PLXND1: variants seen among roughly 807,000 people sequenced by gnomAD.
PLXND1 encodes plexin-D1.
PLXND1 carries 54 observed loss-of-function variants against 197.7 expected under a neutral mutation model. The observed-to-expected ratio is 0.27, with a 90% confidence interval of 0.22 to 0.34. PLXND1 has a LOEUF of 0.34. Among genes scored for constraint, PLXND1 ranks in the 10% least tolerant of loss-of-function variants. The pLI is 1.00. For synonymous variants in PLXND1, 1,180 were observed against 1,161.2 expected (o/e 1.02, Z -0.33); for missense variants, 2,127 against 2,699.2 (o/e 0.79, Z 4.70).
At chr3:129,575,143 G>A (rs2085294007) in intron 11 of PLXND1, among the ~76,000 whole-genome samples, 2 of 152,188 alleles carry the variant, frequency 1.3e-5, no homozygotes, top group Admixed American at 1.3e-4. Flanking sequence ...CACGCGAGGG[G>A]AGCTGACCAC....
chr3:129,602,482 C>T (rs767495043), intron 1 of PLXND1, among the ~76,000 whole-genome samples: 13 of 152,246 alleles, frequency 8.5e-5, no homozygotes, highest in Admixed American at 2.0e-4. Flanking sequence ...CTTTGCGGCA[C>T]GCATTGCCCT....
chr3:129,564,807 CG>C (rs1366761741), intron 25 of PLXND1, among the ~76,000 whole-genome samples: 6 of 152,238 alleles, frequency 3.9e-5, no homozygotes, highest in Non-Finnish European at 5.9e-5. Flanking sequence ...GTGCTGTACC[CG>C]ATGCCTGGAG....
chr3:129,589,310 T>TCCCCCCCCCCCCCCCCCCCCCCCACCCCC, intron 2 of PLXND1, 41 bp downstream of exon 2: 1 of 501,294 alleles, frequency 2.0e-6, no homozygotes, highest in Non-Finnish European at 3.8e-6. Context: ...CAGGGGAGCC[T>TCCCCCCCCCCCCCCCCCCCCCCCACCCCC]CCCACCCCCA....
chr3:129,565,284 G>C, intron 25 of PLXND1, 56 bp downstream of exon 25: 5 of 1,491,802 alleles, frequency 3.4e-6, no homozygotes, highest in Non-Finnish European at 3.7e-6. Context: ...GGTCACTGCC[G>C]CTGAGTCCCT....
intron 13 of PLXND1, among the ~76,000 whole-genome samples, chr3:129,573,171 C>A (rs567868832): frequency 1.3e-5 from 2 of 152,314 alleles, no homozygotes; most frequent in African/African-American, 2.4e-5. Context: ...CTCTTCCACA[C>A]GCCTGATGCA....
Position 129,561,910 on chromosome 3 carries a change from GA to G in PLXND1, c.4826-8del. 6.2e-7 allele frequency: 1 copy of G among 1,604,668 alleles called. No homozygotes were observed. Among genetic ancestry groups the G allele is most frequent in the Non-Finnish European group, 8.5e-7 (1 of 1,171,594 alleles). Reference sequence around the variant, plus strand: ...GTGCTGGAGGCGAACCACTCTGGGGGACAAGGGACAGGCCATCAGGGTCCGG... The same window carrying G: ...GTGCTGGAGGCGAACCACTCTGGGGGCAAGGGACAGGCCATCAGGGTCCGG... On this transcript the variant is annotated splice_region_variant and splice_polypyrimidine_tract_variant and intron_variant, in intron 27 of 35. Transcript: ENST00000324093.
At position 129,556,128 on chromosome 3, in the gene PLXND1, G is replaced by A; in HGVS notation, c.*184C>T. ...CTGGGGACAGGTGGGAGGGGATGGAGGTGCCCAGGGGTCAAGGCGGGGGCG... is the reference window on the plus strand; with the variant it reads ...CTGGGGACAGGTGGGAGGGGATGGAAGTGCCCAGGGGTCAAGGCGGGGGCG... On this transcript the variant is annotated 3_prime_UTR_variant, in exon 36 of 36. Coordinates refer to ENST00000324093, the MANE Select transcript of PLXND1 (RefSeq NM_015103.3). The A allele has an allele frequency of 1.7e-6, 1 of 588,962 alleles. No individual in the cohort carries two copies. The highest frequency in any genetic ancestry group is 1.9e-5 in the African/African-American group (1 of 54,008). The allele number at this position is 588,962 out of a possible 1,614,324, so 36.5% of individuals were successfully genotyped here.
chr3:129,598,633 T>A (rs2085662276), intron 1 of PLXND1, among the ~76,000 whole-genome samples: 1 of 152,192 alleles, frequency 6.6e-6, no homozygotes. Context: ...AGGCCCTCAC[T>A]GCTTCTCACA....
At position 129,558,774 on chromosome 3, in the gene PLXND1, C is replaced by CCT; in HGVS notation, c.5298-200_5298-199insAG. On this transcript the variant is annotated intron_variant, in intron 32 of 35. Coordinates refer to ENST00000324093, the MANE Select transcript of PLXND1 (RefSeq NM_015103.3). The surrounding 1 kb of genome is among the most constrained non-coding windows in gnomAD (Gnocchi z 4.1). ...GTGGGGCTGAGAGCCCGGTTTCCTG[C>CCT]TGGAGCAAGGCAGGAGCTACAGGGC... 1 of 574,648 alleles carries CCT rather than the reference C, an allele frequency of 1.7e-6. No individual in the cohort carries two copies. The highest frequency in any genetic ancestry group is 3.1e-6 in the Non-Finnish European group (1 of 322,734). 35.6% of individuals were successfully genotyped at this position (574,648 alleles called of 1,614,324 possible).
At chr3:129,569,365 T>C (rs1158361984) in intron 20 of PLXND1, 1 of 158,128 alleles carries the variant, frequency 6.3e-6, no homozygotes, top group African/African-American at 2.4e-5. Context: ...TTTCACATCC[T>C]AAGAAACTTC....
Position 129,558,449 on chromosome 3 carries a change from G to A in PLXND1, c.5424C>T (p.Ile1808=), listed in dbSNP as rs947611389. The A allele has an allele frequency of 3.1e-6, 5 of 1,613,696 alleles. No individual in the cohort carries two copies. The highest frequency in any genetic ancestry group is 4.2e-6 in the Non-Finnish European group (5 of 1,179,998). The part of the protein sequence containing the change: ...IAQAFIDACS[I]SDLQLGKDSP... ...TGACCTTGCCCAGCTGCAGGTCAGA[G>A]ATGGAGCAGGCGTCGATGAAGGCCT... Residue 1808 remains isoleucine, a synonymous_variant, in exon 33 of 36, where the codon ATC becomes ATT. Coordinates refer to ENST00000324093, the MANE Select transcript of PLXND1 (RefSeq NM_015103.3). The surrounding 1 kb of genome is among the most constrained non-coding windows in gnomAD (Gnocchi z 4.1).
intron 17 of PLXND1, 51 bp from the exon 18 acceptor site, chr3:129,571,354 G>A (rs2085224825): frequency 6.3e-7 from 1 of 1,586,562 alleles, no homozygotes; most frequent in African/African-American, 1.3e-5. Flanking sequence ...TGGACAGATG[G>A]GCATGGAGAA....
At chr3:129,569,668 G>A (rs2085194035) in intron 20 of PLXND1, 175 bp downstream of exon 20, 4 of 595,104 alleles carry the variant, frequency 6.7e-6, no homozygotes, top group South Asian at 3.8e-5. Flanking sequence ...CATTGGTGCT[G>A]GAGCCAGGGC....
At chr3:129,586,330 G>C in intron 3 of PLXND1, 58 bp from the exon 4 acceptor site, 1 of 1,347,544 alleles carries the variant, frequency 7.4e-7, no homozygotes, top group South Asian at 1.3e-5. Flanking sequence ...CCTTGGGGAG[G>C]TGGTACGGTC....
intron 2 of PLXND1, 44 bp downstream of exon 2, chr3:129,589,307 G>GCCGGGCGGCCCCCCCCCCCCCCCCCC: frequency 1.5e-6 from 1 of 684,692 alleles, no homozygotes; most frequent in Non-Finnish European, 2.6e-6. Flanking sequence ...TCCCAGGGGA[G>GCCGGGCGGCCCCCCCCCCCCCCCCCC]CCTCCCACCC....
rs139562834 is a variant in PLXND1 at position 129,558,506 on chromosome 3, G to A, written c.5367C>T (p.Asp1789=). The change falls in exon 33 of 36, where the codon GAC becomes GAT. Residue 1789 remains aspartate (D), a synonymous_variant. Transcript: ENST00000324093. The surrounding 1 kb of genome is among the most constrained non-coding windows in gnomAD (Gnocchi z 4.1). Reference sequence around the variant, plus strand: ...TGACTGAAAGGCAGGCGTCGATGTGGTCTGTCTTGTCGATGTCAAAGACAA... The same window carrying A: ...TGACTGAAAGGCAGGCGTCGATGTGATCTGTCTTGTCGATGTCAAAGACAA... ...PQFVFDIDKT[D]HIDACLSVIA... 37 of 1,613,934 alleles carry A rather than the reference G, an allele frequency of 2.3e-5. No homozygotes were observed. The African/African-American group carries it at 4.8e-4, about 21-fold the overall frequency.
At chr3:129,573,817 C>G in intron 12 of PLXND1, 72 bp from the exon 13 acceptor site, 2 of 1,529,914 alleles carry the variant, frequency 1.3e-6, no homozygotes, top group Non-Finnish European at 8.9e-7. Flanking sequence ...CCCACAGTCA[C>G]AGGCACCCAG....
Position 129,571,860 on chromosome 3 carries a change from G to T in PLXND1, c.3078-16C>A. On this transcript the variant is annotated splice_polypyrimidine_tract_variant and intron_variant, in intron 15 of 35. Coordinates refer to ENST00000324093, the MANE Select transcript of PLXND1 (RefSeq NM_015103.3). The stretch of plus-strand genomic sequence containing the variant: ...ATCTGTGCGCCTGGGGGGAGCAGCA[G>T]GTTATCAGCAGGGCCTGCCTTCTGC... The T allele has an allele frequency of 6.3e-7, 1 of 1,595,148 alleles. No homozygotes were observed.
intron 30 of PLXND1, 90 bp downstream of exon 30, chr3:129,560,599 G>A (rs1017093538): frequency 1.0e-5 from 11 of 1,089,612 alleles, no homozygotes; most frequent in Non-Finnish European, 1.6e-5. Flanking sequence ...AGGGCTGGGA[G>A]CACTTTTCCC....
Sources: allele counts gnomAD v4.1 joint callset (sites outside exome capture counted in the v4.1 genomes callset), GRCh38; gene constraint gnomAD v4.1.1; non-coding constraint Gnocchi (gnomAD v3.1); transcripts MANE v1.5; gene names NCBI Gene and HGNC (gene_info 2026-07-23, HGNC 2026-07-21).